Variants in NBEA observed in about 807,000 individuals in gnomAD.
NBEA encodes lysosomal-trafficking regulator 2.
NBEA carries 44 observed loss-of-function variants against 343.4 expected under a neutral mutation model. The observed-to-expected ratio is 0.13, with a 90% CI of 0.10 to 0.16. The LOEUF is 0.16. NBEA is among the 10% of genes least tolerant of loss of function. The pLI is 1.00. For missense variants in NBEA, 2,555 were observed against 3,631.3 expected (o/e 0.70, Z 7.62); for synonymous variants, 1,175 against 1,238.7 (o/e 0.95, Z 1.08).
intron 33 of NBEA, 59 bp downstream of exon 33, chr13:35,211,238 C>CA (rs1205296972): frequency 7.7e-7 from 1 of 1,291,746 alleles, no homozygotes; most frequent in Non-Finnish European, 1.1e-6. Flanking sequence ...AAACAGTACA[C>CA]AAAAATACAA....
At chr13:34,995,127 T>C (rs2060893413) in intron 1 of NBEA, among the ~76,000 whole-genome samples, 1 of 152,162 alleles carries the variant, frequency 6.6e-6, no homozygotes, top group Non-Finnish European at 1.5e-5. Context: ...TTTCCACAAC[T>C]AGGTAAACCA....
Position 35,168,718 on chromosome 13 carries a change from A to G in NBEA, c.4234-269A>G, listed in dbSNP as rs559127921. On this transcript the variant is annotated intron_variant, in intron 24 of 58. Transcript: ENST00000379939. Reference sequence around the variant, plus strand: ...AAATAGAGTATGCATTATTTCTAATATATGAACTATACTTATATATATTAT... The same window carrying G: ...AAATAGAGTATGCATTATTTCTAATGTATGAACTATACTTATATATATTAT... 6.6e-5 allele frequency among the ~76,000 whole-genome samples: 10 copies of G among 151,534 alleles called. No homozygotes were observed. The East Asian group carries it at 1.5e-3, about 23-fold the overall frequency.
At chr13:35,220,464 G>C (rs976649072) in intron 33 of NBEA, among the ~76,000 whole-genome samples, 1 of 152,076 alleles carries the variant, frequency 6.6e-6, no homozygotes, top group Admixed American at 6.6e-5. Flanking sequence ...TGTTTGAAAG[G>C]ATATTTTGAA....
intron 36 of NBEA, 143 bp downstream of exon 36, chr13:35,309,735 C>A: frequency 1.8e-6 from 1 of 558,606 alleles, no homozygotes; most frequent in South Asian, 2.6e-5. Flanking sequence ...CTTAATTAAT[C>A]TTTAACAAAG....
intron 41 of NBEA, among the ~76,000 whole-genome samples, chr13:35,524,509 G>C (rs117875171): frequency 6.6e-6 from 1 of 152,098 alleles, no homozygotes; most frequent in South Asian, 2.1e-4. Context: ...TATTTATTGC[G>C]GTTCAAATAA....
At chr13:35,611,939 G>T (rs775663417) in intron 48 of NBEA, among the ~76,000 whole-genome samples, 5 of 152,110 alleles carry the variant, frequency 3.3e-5, no homozygotes, top group Non-Finnish European at 7.4e-5. Context: ...GAGTAGAATT[G>T]CTGGGTCATA....
chr13:35,144,453 T>C (rs1231937098), intron 18 of NBEA, among the ~76,000 whole-genome samples: 5 of 152,180 alleles, frequency 3.3e-5, no homozygotes, highest in African/African-American at 4.8e-5. Flanking sequence ...CCATACTGGG[T>C]GCAGTTAGCC....
chr13:35,440,519 TG>T (rs2045681377), intron 39 of NBEA, among the ~76,000 whole-genome samples: 1 of 152,114 alleles, frequency 6.6e-6, no homozygotes. Flanking sequence ...AAAGGATGAA[TG>T]GAAGTCTTCC....
chr13:35,397,494 A>G (rs1362342181), intron 38 of NBEA, among the ~76,000 whole-genome samples: 2 of 152,196 alleles, frequency 1.3e-5, no homozygotes. Context: ...CTACAGGAGA[A>G]TGTAAACTCC....
chr13:34,969,215 C>T (rs980929633), intron 1 of NBEA, among the ~76,000 whole-genome samples: 5 of 151,828 alleles, frequency 3.3e-5, no homozygotes, highest in African/African-American at 1.2e-4. Flanking sequence ...TGTGACTAGG[C>T]AGGTTCCACA....
At chr13:34,963,048 A>G (rs927808091) in intron 1 of NBEA, among the ~76,000 whole-genome samples, 10 of 152,054 alleles carry the variant, frequency 6.6e-5, no homozygotes, top group Non-Finnish European at 1.2e-4. Flanking sequence ...TTAAGTTGCC[A>G]TACTGTGGAA....
chr13:35,477,347 G>A (rs1012502003), intron 41 of NBEA: 2 of 154,988 alleles, frequency 1.3e-5, no homozygotes, highest in African/African-American at 4.8e-5. Context: ...TGTGTGAGAT[G>A]TTCTACCCCT....
At chr13:35,286,634 C>A (rs2035442568) in intron 34 of NBEA, among the ~76,000 whole-genome samples, 1 of 152,040 alleles carries the variant, frequency 6.6e-6, no homozygotes, top group African/African-American at 2.4e-5. Flanking sequence ...TCTGACAGTT[C>A]TTTATTAAAA....
intron 38 of NBEA, among the ~76,000 whole-genome samples, chr13:35,397,116 C>T (rs1167980005): frequency 6.6e-6 from 1 of 152,148 alleles, no homozygotes; most frequent in Non-Finnish European, 1.5e-5. Context: ...TTCCTTAAAA[C>T]CTTCAAAGAC....
chr13:35,201,549 T>C (rs2073024256), intron 31 of NBEA, among the ~76,000 whole-genome samples: 1 of 152,022 alleles, frequency 6.6e-6, no homozygotes, highest in African/African-American at 2.4e-5. Context: ...ACATCCTAGT[T>C]AGAGAGTGAT....
intron 38 of NBEA, among the ~76,000 whole-genome samples, chr13:35,428,476 C>T (rs976217190): frequency 1.3e-5 from 2 of 152,110 alleles, no homozygotes; most frequent in African/African-American, 4.8e-5. Context: ...GTGATTCCTC[C>T]CTCTGTTCCT....
chr13:35,500,044 A>G (rs1299375601), intron 41 of NBEA, among the ~76,000 whole-genome samples: 2 of 152,060 alleles, frequency 1.3e-5, no homozygotes, highest in Non-Finnish European at 2.9e-5. Flanking sequence ...GGTCAAGCGT[A>G]CTCTGAAGAG....
chr13:35,426,037 G>A (rs1283766812), intron 38 of NBEA, among the ~76,000 whole-genome samples: 2 of 152,286 alleles, frequency 1.3e-5, no homozygotes, highest in East Asian at 3.9e-4. Context: ...GAGCCTATGT[G>A]TGTCTCTGCA....
intron 29 of NBEA, 118 bp from the exon 30 acceptor site, chr13:35,183,858 G>A (rs911010709): frequency 6.5e-5 from 39 of 595,896 alleles, no homozygotes; most frequent in African/African-American, 6.1e-4. Context: ...AGATGCATTC[G>A]TTATTGCTAG....
Sources: allele counts gnomAD v4.1 joint callset (sites outside exome capture counted in the v4.1 genomes callset), GRCh38; gene constraint gnomAD v4.1.1; transcripts MANE v1.5; gene names NCBI Gene and HGNC (gene_info 2026-07-23, HGNC 2026-07-21).